UBE2E1: variants seen among roughly 807,000 people sequenced by gnomAD.
UBE2E1 encodes the protein ubiquitin-conjugating enzyme E2 E1.
UBE2E1 carries 6 observed loss-of-function variants against 21.4 expected under a neutral mutation model. The ratio of observed to expected loss-of-function variants is 0.28; its 90% CI spans 0.15 to 0.55. The LOEUF (loss-of-function observed/expected upper bound fraction) is 0.55, where lower values mean the gene tolerates loss of function less well. Among genes scored for constraint, UBE2E1 ranks in the 20% least tolerant of loss-of-function variants. The probability of loss-of-function intolerance (pLI) is 0.93; values close to 1 mark genes in which losing one functional copy is unlikely to be tolerated. For missense variants in UBE2E1, 142 were observed against 236.5 expected, an observed-to-expected ratio of 0.60 and a Z score of 2.62; for synonymous variants, 87 against 82.7, an observed-to-expected ratio of 1.05 and a Z score of -0.28.
chr3:23,823,503 AC>A lies in UBE2E1; in HGVS notation c.203+11994del, dbSNP rs1411576702. ...AGTAATTTAAATTGTTCCTACTACC[AC>A]TTACAACCTTTCCTCCTCTATGGGG... On this transcript the variant is annotated intron_variant, in intron 3 of 5. Transcript: ENST00000306627. This position sits in a 1 kb window ranked among gnomAD's most constrained non-coding sequence, Gnocchi z 4.2. Among the ~76,000 whole-genome samples, 2 of 152,226 alleles carry A rather than the reference AC, an allele frequency of 1.3e-5. No homozygotes were observed. The highest frequency in any genetic ancestry group is 2.9e-5 in the Non-Finnish European group (2 of 68,042).
chr3:23,871,549 G>C (rs911813292), intron 3 of UBE2E1, among the ~76,000 whole-genome samples: 1 of 151,184 alleles, frequency 6.6e-6, no homozygotes, highest in Non-Finnish European at 1.5e-5. Flanking sequence ...GGTGGCTGCC[G>C]GGCGGAGACG....
chr3:23,865,871 T>A (rs1348598364), intron 3 of UBE2E1, among the ~76,000 whole-genome samples: 1 of 152,222 alleles, frequency 6.6e-6, no homozygotes, highest in East Asian at 1.9e-4. Context: ...TTTAGGTAGC[T>A]GTGAAATGTC....
chr3:23,887,487 A>G lies in UBE2E1; in HGVS notation c.204-80A>G, dbSNP rs765365396. 2 of 1,490,066 alleles carry G rather than the reference A, an allele frequency of 1.3e-6. No homozygotes were observed. The highest frequency in any genetic ancestry group is 1.4e-5 in the African/African-American group (1 of 71,200). 92.3% of individuals were successfully genotyped at this position (1,490,066 alleles called of 1,614,324 possible). The stretch of plus-strand genomic sequence containing the variant: ...AGTAAACAAAAGAGAGGAGAGAGGT[A>G]ATCTTTCCATCTCTTTTAATACACT... On this transcript the variant is annotated intron_variant, in intron 3 of 5. Transcript: ENST00000306627. This position sits in a 1 kb window ranked among gnomAD's most constrained non-coding sequence, Gnocchi z 4.4.
Position 23,849,816 on chromosome 3 carries a change from G to A in UBE2E1, c.204-37751G>A, listed in dbSNP as rs372964934. ...TATTGTAAATAGTGCTGCAATAAAC[G>A]TATGTGTGCAGTGTCTTTATAGTAG... On this transcript the variant is annotated intron_variant, in intron 3 of 5. Coordinates refer to ENST00000306627, the MANE Select transcript of UBE2E1 (RefSeq NM_003341.5). 8.5e-5 allele frequency among the ~76,000 whole-genome samples: 13 copies of A among 152,176 alleles called. No individual in the cohort carries two copies. The East Asian group carries it at 2.5e-3, about 29-fold the overall frequency.
At chr3:23,851,449 A>T (rs1039290741) in intron 3 of UBE2E1, among the ~76,000 whole-genome samples, 1 of 151,984 alleles carries the variant, frequency 6.6e-6, no homozygotes, top group Non-Finnish European at 1.5e-5. Context: ...TAAACAGTCC[A>T]GCTGGGGTTT....
rs548672400 is a variant in UBE2E1 at position 23,869,954 on chromosome 3, A to G, written c.204-17613A>G. Among the ~76,000 whole-genome samples, 12 of 152,268 alleles carry G rather than the reference A, an allele frequency of 7.9e-5. No homozygotes were observed. In the South Asian group the frequency reaches 2.5e-3, roughly 32 times the overall value. The stretch of plus-strand genomic sequence containing the variant: ...ACCACTATTTTTTATTATGATTATA[A>G]TCTTTCATAGATATAGAGTTTGGGG... On this transcript the variant is annotated intron_variant, in intron 3 of 5. Transcript: ENST00000306627.
intron 3 of UBE2E1, among the ~76,000 whole-genome samples, chr3:23,848,274 G>A (rs1700249808): frequency 6.6e-6 from 1 of 152,152 alleles, no homozygotes; most frequent in South Asian, 2.1e-4. Flanking sequence ...TTTGAGACCA[G>A]CCTGGCCAAC....
rs1699366117 is a variant in UBE2E1, at chr3:23,810,603, G to A, written c.153-857G>A. 5 of 1,409,788 alleles carry A rather than the reference G, an allele frequency of 3.5e-6. No homozygotes were observed. The highest frequency in any genetic ancestry group is 1.4e-5 in the African/African-American group (1 of 69,376). 87.3% of individuals were successfully genotyped at this position (1,409,788 alleles called of 1,614,324 possible). ...GGGTCCGGTGCACCTGTGCGGCCGC[G>A]GGCCGGCCACTTGGGGTCTGTGGTG... On this transcript the variant is annotated intron_variant, in intron 2 of 5. Transcript: ENST00000306627. This position sits in a 1 kb window ranked among gnomAD's most constrained non-coding sequence, Gnocchi z 5.8.
At chr3:23,841,837 T>G (rs1055404775) in intron 3 of UBE2E1, among the ~76,000 whole-genome samples, 13 of 152,282 alleles carry the variant, frequency 8.5e-5, no homozygotes, top group African/African-American at 3.1e-4. Flanking sequence ...AGTCACAGTT[T>G]TTATATGACT....
chr3:23,846,586 C>T (rs1700208953), intron 3 of UBE2E1, among the ~76,000 whole-genome samples: 1 of 151,276 alleles, frequency 6.6e-6, no homozygotes, highest in South Asian at 2.1e-4. Flanking sequence ...GTCCCAGCTA[C>T]TCGGGAGGCT....
chr3:23,872,627 CAATT>C (rs1207718698), intron 3 of UBE2E1, among the ~76,000 whole-genome samples: 1 of 152,088 alleles, frequency 6.6e-6, no homozygotes, highest in African/African-American at 2.4e-5. Context: ...ACCATATTCA[CAATT>C]AAAACAATTA....
chr3:23,822,990 G>A (rs1699677829), intron 3 of UBE2E1, among the ~76,000 whole-genome samples: 1 of 152,036 alleles, frequency 6.6e-6, no homozygotes, highest in Non-Finnish European at 1.5e-5. Context: ...GGGGTTACAG[G>A]CATGTGCCAC....
In UBE2E1 at chr3:23,819,951, A is replaced by AT. The variant is rs374014579; in HGVS notation, c.203+8442dup. The stretch of plus-strand genomic sequence containing the variant: ...AGGTTTATCATCTATGTAATGTGGC[A>AT]TAGACTCTTAGTCTACAGAGTTACA... On this transcript the variant is annotated intron_variant, in intron 3 of 5. Transcript: ENST00000306627. Among the ~76,000 whole-genome samples the AT allele has an allele frequency of 7.4e-3, 1,129 of 152,304 alleles. 15 individuals are homozygous for AT. The highest frequency in any genetic ancestry group is 0.026 in the African/African-American group (1,063 of 41,562).
At chr3:23,829,853 T>TA (rs1699832437) in intron 3 of UBE2E1, among the ~76,000 whole-genome samples, 1 of 152,200 alleles carries the variant, frequency 6.6e-6, no homozygotes, top group Non-Finnish European at 1.5e-5. Flanking sequence ...TGTGAGTTGA[T>TA]AAGCATGGAT....
In UBE2E1 at chr3:23,853,962, G is replaced by C. The variant is rs778090198; in HGVS notation, c.204-33605G>C. On this transcript the variant is annotated intron_variant, in intron 3 of 5. Transcript: ENST00000306627. The surrounding 1 kb of genome is among the most constrained non-coding windows in gnomAD (Gnocchi z 4.1). Reference sequence around the variant, plus strand: ...GGCTGACCCAAGCCCAGGCCCATCAGAATGCTTTATCTTGGTCAGGCATGG... The same window carrying C: ...GGCTGACCCAAGCCCAGGCCCATCACAATGCTTTATCTTGGTCAGGCATGG... Among the ~76,000 whole-genome samples, 1 of 152,138 alleles carries C rather than the reference G, an allele frequency of 6.6e-6. No individual in the cohort carries two copies. The highest frequency in any genetic ancestry group is 1.5e-5 in the Non-Finnish European group (1 of 68,016).
chr3:23,871,532 C>T (rs1189905197), intron 3 of UBE2E1, among the ~76,000 whole-genome samples: 2 of 150,988 alleles, frequency 1.3e-5, no homozygotes, highest in African/African-American at 2.4e-5. Context: ...ACCTCCCTCT[C>T]GGACGGGGTG....
In UBE2E1 at chr3:23,881,738, C is replaced by G. The variant is rs149852267; in HGVS notation, c.204-5829C>G. ...GGTGGGTTCTTGGTCTCACTGACTT[C>G]AAGAATGAAGCCGCGGACCCTCACG... On this transcript the variant is annotated intron_variant, in intron 3 of 5. Transcript: ENST00000306627. 8.7e-3 allele frequency among the ~76,000 whole-genome samples: 1,323 copies of G among 152,326 alleles called. 12 individuals carry two copies. Among genetic ancestry groups the G allele is most frequent in the African/African-American group, 0.029 (1,209 of 41,574 alleles).
intron 3 of UBE2E1, among the ~76,000 whole-genome samples, chr3:23,875,347 G>A (rs1023076684): frequency 2.0e-5 from 3 of 152,198 alleles, no homozygotes; most frequent in African/African-American, 7.2e-5. Context: ...AAGTCCTGTA[G>A]TATGTGTGGG....
intron 3 of UBE2E1, among the ~76,000 whole-genome samples, chr3:23,871,439 C>T (rs1309115499): frequency 2.6e-5 from 4 of 151,624 alleles, no homozygotes; most frequent in Admixed American, 2.6e-4. Context: ...CAGAGGAGCT[C>T]CTCACTTCTC....
Sources: gnomAD v4.1 joint callset for allele counts (sites outside exome capture counted in the v4.1 genomes callset) on GRCh38, gnomAD v4.1.1 for gene constraint, Gnocchi (gnomAD v3.1) non-coding constraint, MANE v1.5 for transcripts, NCBI Gene and HGNC (gene_info 2026-07-23, HGNC 2026-07-21) for gene names.